Variants in TINF2 observed in about 807,000 individuals in gnomAD.
TINF2 encodes TERF1-interacting nuclear factor 2.
A neutral mutation model predicts 50.4 loss-of-function variants in TINF2; 27 were observed. That is an observed-to-expected ratio of 0.54 (90% confidence interval 0.40 to 0.74). The LOEUF is 0.74. TINF2 is among the 30% of genes least tolerant of loss of function. The pLI is 0.00. For synonymous variants in TINF2, 223 were observed against 214.6 expected (o/e 1.04, Z -0.34); for missense variants, 496 against 551.5 (o/e 0.90, Z 1.01).
rs1064796505 is a variant in TINF2, at chr14:24,239,925, GA to G, written c.1227del (p.Leu410TrpfsTer12). 1.2e-6 allele frequency: 2 copies of G among 1,614,186 alleles called. No homozygotes were observed. Among genetic ancestry groups the G allele is most frequent in the Non-Finnish European group, 1.7e-6 (2 of 1,180,026 alleles). ...AACTTTGTCTTCTGATAGTTTTCCA[GA>G]GATTCCTGTAGAGAAGGGAGCAGGG... The part of the protein sequence containing the change: ...EENGQGEGKE[S>X]LENYQKTKFD... On this transcript the variant is annotated frameshift_variant, in exon 9 of 9. Coordinates refer to ENST00000267415, the MANE Select transcript of TINF2 (RefSeq NM_001099274.3). LOFTEE classifies it low-confidence loss of function (END_TRUNC).
chr14:24,242,100 C>A, intron 1 of TINF2, 41 bp downstream of exon 1: 1 of 1,613,962 alleles, frequency 6.2e-7, no homozygotes, highest in South Asian at 1.1e-5. Context: ...CATCCCGCCC[C>A]TTTCTTTCTT....
chr14:24,240,854 A>G lies in TINF2; in HGVS notation c.626T>C (p.Val209Ala). 1 of 1,614,012 alleles carries G rather than the reference A, an allele frequency of 6.2e-7. No homozygotes were observed. Among genetic ancestry groups the G allele is most frequent in the Non-Finnish European group, 8.5e-7 (1 of 1,180,030 alleles). ...CTGTTCCATGGGCTCAGCCAGGTTC[A>G]CTGAGTCAGTAACAGAGCACTCTGA... ...LLPECSVTDS[V>A]NLAEPMEQNP... Residue 209 changes from valine to alanine, a missense_variant, in exon 6 of 9, where the codon GTG becomes GCG. By Grantham distance (64) the Val-to-Ala change is moderately conservative. Transcript: ENST00000267415.
In TINF2 at chr14:24,241,215, G is replaced by C. The variant is rs1355781194; in HGVS notation, c.496C>G (p.Gln166Glu). 1 of 1,614,142 alleles carries C rather than the reference G, an allele frequency of 6.2e-7. No individual in the cohort carries two copies. Reference protein sequence around the residue: ...CQLEKALPTPQAQQLQDVLSW... With the variant: ...CQLEKALPTPEAQQLQDVLSW... The stretch of plus-strand genomic sequence containing the variant: ...TGCCCCAGCGAAACCTGCTGTGCCT[G>C]CGGTGTAGGCAGTGCTTTCTCCAGC... Residue 166 changes from glutamine to glutamate, a missense_variant, in exon 4 of 9, where the codon CAG becomes GAG. Gln to Glu is a conservative substitution (Grantham distance 29, BLOSUM62 2). Coordinates refer to ENST00000267415, the MANE Select transcript of TINF2 (RefSeq NM_001099274.3).
rs2040602362 is a variant in TINF2, at chr14:24,242,445, T to C, written c.-113A>G. 1 of 1,458,280 alleles carries C rather than the reference T, an allele frequency of 6.9e-7. No homozygotes were observed. The allele number at this position is 1,458,280 out of a possible 1,614,324, so 90.3% of individuals were successfully genotyped here. ...CTGGCAACTCCCTGTCGCTCCGGTC[T>C]GTCGGCTCTGGGTACCTCGCGATCT... On this transcript the variant is annotated 5_prime_UTR_variant, in exon 1 of 9. Transcript: ENST00000267415.
chr14:24,241,977 G>C lies in TINF2; in HGVS notation c.210C>G (p.Ile70Met). Reference sequence around the variant, plus strand: ...CTTGGGCCCAAGGCCGGCCCTGCAGGATCAGCTCCACCACCACCTGTACGG... The same window carrying C: ...CTTGGGCCCAAGGCCGGCCCTGCAGCATCAGCTCCACCACCACCTGTACGG... ...GLKAKVVVEL[I>M]LQGRPWAQVL... Residue 70 changes from isoleucine (I) to methionine (M), a missense_variant, in exon 2 of 9, where the codon ATC becomes ATG. Coordinates refer to ENST00000267415, the MANE Select transcript of TINF2 (RefSeq NM_001099274.3). The C allele has an allele frequency of 6.2e-7, 1 of 1,614,212 alleles. No individual in the cohort carries two copies. Among genetic ancestry groups the C allele is most frequent in the South Asian group, 1.1e-5 (1 of 91,084 alleles).
In TINF2 at chr14:24,241,000, C is replaced by A. The variant is rs1446485369; in HGVS notation, c.604+20G>T. 6.2e-7 allele frequency: 1 copy of A among 1,614,138 alleles called. No individual in the cohort carries two copies. Among genetic ancestry groups the A allele is most frequent in the East Asian group, 2.2e-5 (1 of 44,884 alleles). Reference sequence around the variant, plus strand: ...TCAAAAGGTCTCAGGCTAAACACTACACCTCCAAATTCCTAGTACCTGGAA... The same window carrying A: ...TCAAAAGGTCTCAGGCTAAACACTAAACCTCCAAATTCCTAGTACCTGGAA... On this transcript the variant is annotated intron_variant, in intron 5 of 8. Transcript: ENST00000267415.
rs1238390401 is a variant in TINF2, at chr14:24,239,653, T to C, written c.*144A>G. ...CACATCAAGGCAGTATTTTAACAAA[T>C]CCAAAGTTTAATTATTAAGGATTAC... On this transcript the variant is annotated 3_prime_UTR_variant, in exon 9 of 9. Transcript: ENST00000267415. The C allele has an allele frequency of 1.3e-6, 2 of 1,553,870 alleles. No individual in the cohort carries two copies. Among genetic ancestry groups the C allele is most frequent in the Non-Finnish European group, 1.7e-6 (2 of 1,153,468 alleles).
intron 3 of TINF2, 82 bp from the exon 4 acceptor site, chr14:24,241,393 G>A (rs2040576425): frequency 3.6e-6 from 5 of 1,387,472 alleles, no homozygotes; most frequent in Non-Finnish European, 4.1e-6. Flanking sequence ...CATTTGGGAG[G>A]CCGAGGTGGG....
At chr14:24,241,479 A>C (rs1048365076) in intron 3 of TINF2, 168 bp from the exon 4 acceptor site, 1 of 817,386 alleles carries the variant, frequency 1.2e-6, no homozygotes, top group African/African-American at 1.7e-5. Flanking sequence ...AAATACAAAA[A>C]TTAGCTGGGC....
Position 24,241,112 on chromosome 14 carries a change from T to G in TINF2, c.512A>C (p.Gln171Pro). Residue 171 changes from glutamine (Q) to proline (P), a missense_variant, in exon 5 of 9, where the codon CAG becomes CCG. Around this residue, in one of 3 missense-constraint regions of TINF2, gnomAD observed 314 missense variants for 343.8 expected, o/e 0.91. Transcript: ENST00000267415. ...ALPTPQAQQL[Q>P]DVLSWMQPGV... is the part of the protein sequence containing the mutation. ...AGGCTGCATCCAACTCAGCACATCCTGAAGCTGTGGGCAGGGACAGAGGTA... is the reference window on the plus strand; with the variant it reads ...AGGCTGCATCCAACTCAGCACATCCGGAAGCTGTGGGCAGGGACAGAGGTA... The G allele has an allele frequency of 1.9e-6, 3 of 1,614,184 alleles. No individual in the cohort carries two copies. The highest frequency in any genetic ancestry group is 2.5e-6 in the Non-Finnish European group (3 of 1,180,030).
Position 24,241,663 on chromosome 14 carries a change from A to G in TINF2, c.399+12T>C, listed in dbSNP as rs1261166783. 3.7e-6 allele frequency: 6 copies of G among 1,604,200 alleles called. No homozygotes were observed. In the African/African-American group the frequency reaches 6.7e-5, roughly 18 times the overall value. ...GAAAATAGCCACATAATAGCCTTCA[A>G]ACCAGTCTCACCTGCAGCTTCGAGG... is the stretch of plus-strand genomic sequence containing the variant. On this transcript the variant is annotated intron_variant, in intron 3 of 8. Transcript: ENST00000267415.
At position 24,242,440 on chromosome 14, in the gene TINF2, C is replaced by G; in HGVS notation, c.-108G>C. The G allele has an allele frequency of 6.8e-7, 1 of 1,461,862 alleles. No homozygotes were observed. Among genetic ancestry groups the G allele is most frequent in the South Asian group, 1.4e-5 (1 of 72,472 alleles). The allele number at this position is 1,461,862 out of a possible 1,614,324, so 90.6% of individuals were successfully genotyped here. On this transcript the variant is annotated 5_prime_UTR_variant, in exon 1 of 9. Transcript: ENST00000267415. ...GGCTTCTGGCAACTCCCTGTCGCTC[C>G]GGTCTGTCGGCTCTGGGTACCTCGC...
chr14:24,241,044 C>A lies in TINF2; in HGVS notation c.580G>T (p.Val194Leu), dbSNP rs2040567026. 2 of 1,614,174 alleles carry A rather than the reference C, an allele frequency of 1.2e-6. No homozygotes were observed. Among genetic ancestry groups the A allele is most frequent in the Admixed American group, 1.7e-5 (1 of 60,008 alleles). ...TSSLAWRQYGVDMGWLLPECS... is the reference protein window; with the variant it reads ...TSSLAWRQYGLDMGWLLPECS... ...CCTGGAAGCAGCCACCCCATGTCCA[C>A]ACCATATTGTCTCCAGGCAAGAGAA... Residue 194 changes from valine to leucine, a missense_variant, in exon 5 of 9, where the codon GTG becomes TTG. Coordinates refer to ENST00000267415, the MANE Select transcript of TINF2 (RefSeq NM_001099274.3).
rs748683638 is a variant in TINF2, at chr14:24,242,324, C to T, written c.9G>A (p.Thr3=). 1 of 1,612,330 alleles carries T rather than the reference C, an allele frequency of 6.2e-7. No homozygotes were observed. Among genetic ancestry groups the T allele is most frequent in the South Asian group, 1.1e-5 (1 of 91,030 alleles). MA[T]PLVAGPAALR... is the part of the protein sequence containing the mutation. ...GAGCTGCGGGACCCGCCACCAGGGG[C>T]GTAGCCATGGTCGGCGGGCTCCGCC... Residue 3 remains threonine, a synonymous_variant, in exon 1 of 9, where the codon ACG becomes ACA. Coordinates refer to ENST00000267415, the MANE Select transcript of TINF2 (RefSeq NM_001099274.3).
rs1282299077 is a variant in TINF2 at position 24,242,202 on chromosome 14, A to G, written c.131T>C (p.Val44Ala). The G allele has an allele frequency of 1.2e-6, 2 of 1,614,242 alleles. No individual in the cohort carries two copies. Among genetic ancestry groups the G allele is most frequent in the Admixed American group, 3.3e-5 (2 of 60,032 alleles). The change falls in exon 1 of 9, where the codon GTT becomes GCT. Residue 44 changes from valine (V) to alanine (A), a missense_variant. This residue lies in a region of TINF2 where 314 missense variants were observed against 343.8 expected (regional missense o/e 0.91). Transcript: ENST00000267415. ...CCGGTAGCGAACCAAGCCAGGGGCA[A>G]CAGCGCGCAGAGATCGCAGAAACTC... is the stretch of plus-strand genomic sequence containing the variant. ...VLEFLRSLRA[V>A]APGLVRYRHH...
chr14:24,241,653 A>G lies in TINF2; in HGVS notation c.399+22T>C, dbSNP rs139162620. On this transcript the variant is annotated intron_variant, in intron 3 of 8. Coordinates refer to ENST00000267415, the MANE Select transcript of TINF2 (RefSeq NM_001099274.3). ...ATGGGTTAGAGAAAATAGCCACATA[A>G]TAGCCTTCAAACCAGTCTCACCTGC... is the stretch of plus-strand genomic sequence containing the variant. 5.7e-6 allele frequency: 9 copies of G among 1,592,064 alleles called. No individual in the cohort carries two copies. The East Asian group carries it at 1.1e-4, about 20-fold the overall frequency.
rs760818464 is a variant in TINF2, at chr14:24,242,361, C to T, written c.-29G>A. 2.3e-5 allele frequency: 37 copies of T among 1,603,490 alleles called. 1 individual carries two copies. The highest frequency in any genetic ancestry group is 1.7e-4 in the South Asian group (15 of 90,524). On this transcript the variant is annotated 5_prime_UTR_variant, in exon 1 of 9. Transcript: ENST00000267415. ...CGGCGGGCTCCGCCCGGAGGCGGTC[C>T]CTCCGGGTTCCTCACCCGGATGGGT...
chr14:24,239,801 A>G lies in TINF2; in HGVS notation c.1352T>C (p.Leu451Ser), dbSNP rs1411021512. The G allele has an allele frequency of 6.2e-7, 1 of 1,614,224 alleles. No individual in the cohort carries two copies. The highest frequency in any genetic ancestry group is 1.1e-5 in the South Asian group (1 of 91,088). The change falls in exon 9 of 9, where the codon TTG (leucine) becomes TCG (serine). Residue 451 changes from leucine to serine, a missense_variant. Leu to Ser is a moderately radical substitution (Grantham distance 145). This residue lies in a region of TINF2 where 179 missense variants were observed against 188.3 expected (regional missense o/e 0.95). Coordinates refer to ENST00000267415, the MANE Select transcript of TINF2 (RefSeq NM_001099274.3). ...SCDCRDSSRP[L>S] ...ACAGAGAGCATTTTAGTTCTATCAC[A>G]AAGGTCTAGAACTGTCTCTACAGTC... is the stretch of plus-strand genomic sequence containing the variant.
chr14:24,241,595 C>T lies in TINF2; in HGVS notation c.399+80G>A, dbSNP rs963618625. On this transcript the variant is annotated intron_variant, in intron 3 of 8. Coordinates refer to ENST00000267415, the MANE Select transcript of TINF2 (RefSeq NM_001099274.3). Reference sequence around the variant, plus strand: ...TTGTGCCACTGCACTCCAGCCTGGGCGACAGAGCAAGATTCCTCAAAAAAA... The same window carrying T: ...TTGTGCCACTGCACTCCAGCCTGGGTGACAGAGCAAGATTCCTCAAAAAAA... 1.4e-5 allele frequency: 18 copies of T among 1,264,990 alleles called. No homozygotes were observed. In the Admixed American group the frequency reaches 1.8e-4, roughly 13 times the overall value. 78.4% of individuals were successfully genotyped at this position (1,264,990 alleles called of 1,614,324 possible). A position where few individuals can be genotyped will look rare whatever the true frequency, so the allele number is the denominator to read the frequency against.
Sources: gnomAD v4.1 joint callset for allele counts on GRCh38, gnomAD v4.1.1 for gene constraint, gnomAD v4.1.1 regional missense constraint, MANE v1.5 for transcripts, NCBI Gene and HGNC (gene_info 2026-07-23, HGNC 2026-07-21) for gene names.